The following IMMP2L variants were observed in gnomAD, a reference collection of about 807,000 sequenced individuals.
IMMP2L encodes mitochondrial inner membrane protease subunit 2.
In IMMP2L, 18 loss-of-function variants were observed where a neutral mutation model predicts 19.3. The observed-to-expected ratio is 0.93, with a 90% CI of 0.64 to 1.38. The LOEUF (loss-of-function observed/expected upper bound fraction) is 1.38, where lower values mean the gene tolerates loss of function less well. IMMP2L is among the 40% of genes most tolerant of loss of function. The probability of loss-of-function intolerance (pLI) is 0.00; values close to 1 mark genes in which losing one functional copy is unlikely to be tolerated. For synonymous variants in IMMP2L, 76 were observed against 73.0 expected (o/e 1.04, Z -0.21); for missense variants, 233 against 218.2 (o/e 1.07, Z -0.43).
intron 3 of IMMP2L, among the ~76,000 whole-genome samples, chr7:111,112,967 T>G (rs1277331627): frequency 1.3e-5 from 2 of 152,212 alleles, no homozygotes; most frequent in African/African-American, 4.8e-5. Flanking sequence ...ATGTTTTATC[T>G]TCTCAATTCT....
chr7:111,392,976 T>G, intron 3 of IMMP2L: 1 of 384,644 alleles, frequency 2.6e-6, no homozygotes, highest in Non-Finnish European at 5.1e-6. Context: ...CCCAAGCATT[T>G]AGGGGTTTTT....
chr7:111,310,767 T>C (rs1289043960), intron 3 of IMMP2L, among the ~76,000 whole-genome samples: 1 of 152,086 alleles, frequency 6.6e-6, no homozygotes, highest in African/African-American at 2.4e-5. Context: ...GGCTAATTGA[T>C]ATAGGAATGG....
intron 3 of IMMP2L, among the ~76,000 whole-genome samples, chr7:111,225,691 CAAAAAAAAAAAAAA>C (rs36112021): frequency 1.8e-5 from 2 of 112,648 alleles, no homozygotes; most frequent in Non-Finnish European, 3.6e-5. Context: ...GAGATAGAGC[CAAAAAAAAAAAAAA>C]AAAAGAATGG....
At chr7:111,081,974 C>G (rs1795922733) in intron 3 of IMMP2L, among the ~76,000 whole-genome samples, 1 of 152,154 alleles carries the variant, frequency 6.6e-6, no homozygotes, top group Non-Finnish European at 1.5e-5. Flanking sequence ...TTGGCAGAAG[C>G]TGGAGAGTGG....
In IMMP2L at chr7:110,663,115, T is replaced by C. The variant is rs1791194343; in HGVS notation, c.*487A>G. 1 of 157,990 alleles carries C rather than the reference T, an allele frequency of 6.3e-6. No individual in the cohort carries two copies. The highest frequency in any genetic ancestry group is 2.4e-5 in the African/African-American group (1 of 41,472). 9.8% of individuals were successfully genotyped at this position (157,990 alleles called of 1,614,324 possible). A position where few individuals can be genotyped will look rare whatever the true frequency, so the allele number is the denominator to read the frequency against. On this transcript the variant is annotated 3_prime_UTR_variant, in exon 6 of 6. Transcript: ENST00000405709. ...TTCTTCCTAACTGGCAGTTACTCCTTTGTAGATAGTACAAATCACAATGTA... is the reference window on the plus strand; with the variant it reads ...TTCTTCCTAACTGGCAGTTACTCCTCTGTAGATAGTACAAATCACAATGTA...
chr7:111,401,892 C>T (rs944314091), intron 3 of IMMP2L, among the ~76,000 whole-genome samples: 3 of 151,898 alleles, frequency 2.0e-5, no homozygotes, highest in African/African-American at 7.3e-5. Context: ...CTGGTGAATA[C>T]AATCCATAAA....
At chr7:111,451,518 C>G (rs1481532196) in intron 3 of IMMP2L, among the ~76,000 whole-genome samples, 2 of 131,226 alleles carry the variant, frequency 1.5e-5, no homozygotes, top group Non-Finnish European at 3.1e-5. Context: ...ACAATGAGAT[C>G]ACATGGACAC....
At chr7:111,489,891 G>C (rs949198994) in intron 2 of IMMP2L, among the ~76,000 whole-genome samples, 2 of 151,998 alleles carry the variant, frequency 1.3e-5, no homozygotes, top group Admixed American at 6.6e-5. Context: ...TTTTGAGACA[G>C]TCTCTTCTGC....
At chr7:111,110,020 A>C (rs1799010907) in intron 3 of IMMP2L, among the ~76,000 whole-genome samples, 1 of 152,178 alleles carries the variant, frequency 6.6e-6, no homozygotes, top group Admixed American at 6.5e-5. Flanking sequence ...CTGTAGTCCA[A>C]GCTACTCAGG....
intron 3 of IMMP2L, among the ~76,000 whole-genome samples, chr7:111,229,134 G>T (rs577893625): frequency 6.6e-6 from 1 of 151,634 alleles, no homozygotes; most frequent in South Asian, 2.1e-4. Context: ...AGTTCTACGC[G>T]GTTGCCTTTA....
intron 3 of IMMP2L, among the ~76,000 whole-genome samples, chr7:111,299,270 T>G (rs1265914511): frequency 1.3e-5 from 2 of 152,162 alleles, no homozygotes; most frequent in Admixed American, 6.6e-5. Flanking sequence ...GCTGTCATTA[T>G]GCATAAATAA....
At chr7:110,732,650 T>C (rs979667705) in intron 5 of IMMP2L, among the ~76,000 whole-genome samples, 4 of 152,228 alleles carry the variant, frequency 2.6e-5, no homozygotes, top group Non-Finnish European at 5.9e-5. Context: ...AACTGGTTTT[T>C]TTAGGAAAAT....
intron 3 of IMMP2L, among the ~76,000 whole-genome samples, chr7:111,174,728 T>C (rs1193041017): frequency 1.3e-5 from 2 of 151,854 alleles, no homozygotes; most frequent in African/African-American, 4.8e-5. Flanking sequence ...ATATAATCCC[T>C]TCTTGGCACA....
At chr7:111,140,706 T>C (rs1383170219) in intron 3 of IMMP2L, among the ~76,000 whole-genome samples, 1 of 152,184 alleles carries the variant, frequency 6.6e-6, no homozygotes, top group Non-Finnish European at 1.5e-5. Context: ...ACTGAAAATA[T>C]TTCCATCTGC....
rs1238400189 is a variant in IMMP2L, at chr7:110,712,617, C to T, written c.409-48896G>A. Reference sequence around the variant, plus strand: ...GGCGCCCCTCCCCCAGCCTCGTTGCCGCCTTGCAGTTTGATCTCAGACTGC... The same window carrying T: ...GGCGCCCCTCCCCCAGCCTCGTTGCTGCCTTGCAGTTTGATCTCAGACTGC... On this transcript the variant is annotated intron_variant, in intron 5 of 5. Transcript: ENST00000405709. 5.1e-4 allele frequency among the ~76,000 whole-genome samples: 16 copies of T among 31,422 alleles called. 4 individuals are homozygous for T. The highest frequency in any genetic ancestry group is 9.7e-4 in the Non-Finnish European group (13 of 13,364). 20.6% of individuals were successfully genotyped at this position (31,422 alleles called of 152,430 possible). A position where few individuals can be genotyped will look rare whatever the true frequency, so the allele number is the denominator to read the frequency against.
chr7:111,151,478 G>A (rs888830302), intron 3 of IMMP2L, among the ~76,000 whole-genome samples: 1 of 152,098 alleles, frequency 6.6e-6, no homozygotes, highest in Non-Finnish European at 1.5e-5. Flanking sequence ...GAGACAGAAC[G>A]AGACAGAGAC....
chr7:111,384,945 C>T (rs1297933756), intron 3 of IMMP2L, among the ~76,000 whole-genome samples: 1 of 152,074 alleles, frequency 6.6e-6, no homozygotes, highest in Non-Finnish European at 1.5e-5. Flanking sequence ...CTTCCTAACA[C>T]TTCCATTTTA....
At chr7:110,903,470 A>T (rs920894696) in intron 4 of IMMP2L, among the ~76,000 whole-genome samples, 20 of 152,096 alleles carry the variant, frequency 1.3e-4, no homozygotes, top group African/African-American at 4.8e-4. Flanking sequence ...CATTGATTTG[A>T]CTATTTTAGA....
At chr7:110,933,539 T>C (rs1238696462) in intron 4 of IMMP2L, among the ~76,000 whole-genome samples, 3 of 152,164 alleles carry the variant, frequency 2.0e-5, no homozygotes, top group Non-Finnish European at 2.9e-5. Context: ...TTATAAAAGG[T>C]ATGTGCTTTT....
Sources: allele counts gnomAD v4.1 joint callset (sites outside exome capture counted in the v4.1 genomes callset), GRCh38; gene constraint gnomAD v4.1.1; transcripts MANE v1.5; gene names NCBI Gene and HGNC (gene_info 2026-07-23, HGNC 2026-07-21).